The following RPP30 variants were observed in gnomAD, a reference collection of about 807,000 sequenced individuals.
RPP30 encodes the protein ribonuclease P protein subunit p30.
Under a neutral mutation model 38.6 loss-of-function variants are expected in RPP30, and 36 were observed. The ratio of observed to expected loss-of-function variants is 0.93; its 90% confidence interval spans 0.71 to 1.23. RPP30 has a LOEUF of 1.23. Ranked by LOEUF, RPP30 falls within the 50% of genes most tolerant of loss-of-function variation. The pLI, the probability that RPP30 is intolerant of heterozygous loss-of-function variation, is 0.00. For missense variants in RPP30, 321 were observed against 321.7 expected (o/e 1.00, Z 0.02); for synonymous variants, 126 against 112.7 (o/e 1.12, Z -0.75).
In RPP30 at chr10:90,895,928, C is replaced by A; in HGVS notation, c.617+11C>A. On this transcript the variant is annotated intron_variant, in intron 9 of 10. Coordinates refer to ENST00000371703, the MANE Select transcript of RPP30 (RefSeq NM_006413.5). The stretch of plus-strand genomic sequence containing the variant: ...TGACGTGGCAAATCTGTATCCTTTT[C>A]TGAGTAAAAAGTTGTTGACATTGTC... The A allele has an allele frequency of 6.3e-7, 1 of 1,593,898 alleles. No individual in the cohort carries two copies. Among genetic ancestry groups the A allele is most frequent in the South Asian group, 1.2e-5 (1 of 86,816 alleles).
In RPP30 at chr10:90,900,658, G is replaced by C; in HGVS notation, c.786G>C (p.Lys262Asn). The C allele has an allele frequency of 4.3e-6, 7 of 1,613,654 alleles. No homozygotes were observed. The highest frequency in any genetic ancestry group is 5.9e-6 in the Non-Finnish European group (7 of 1,179,776). ...EGDEDCLPAS[K>N]KAKCEG The stretch of plus-strand genomic sequence containing the variant: ...ATGAAGATTGTCTTCCAGCTTCCAA[G>C]AAAGCCAAGTGTGAGGGCTGAAAAG... Residue 262 changes from lysine (K) to asparagine (N), a missense_variant, in exon 11 of 11, where the codon AAG becomes AAC. Coordinates refer to ENST00000371703, the MANE Select transcript of RPP30 (RefSeq NM_006413.5).
intron 5 of RPP30, among the ~76,000 whole-genome samples, chr10:90,881,185 A>C (rs561817932): frequency 4.5e-4 from 69 of 152,350 alleles, no homozygotes; most frequent in African/African-American, 1.2e-3. Context: ...ATACATTTGT[A>C]AAACCTTTCA....
rs1333510320 is a variant in RPP30 at position 90,872,049 on chromosome 10, T to A, written c.63T>A (p.Leu21=). 6.2e-7 allele frequency: 1 copy of A among 1,614,148 alleles called. No homozygotes were observed. ...CTGACCTGAAGGCTCTGCGCGGACT[T>A]GTGGAGACAGCCGCTCACCGTGAGT... ...AGSDLKALRG[L]VETAAHLGYS... is the part of the protein sequence containing the mutation. The change falls in exon 1 of 11, where the codon CTT becomes CTA. Residue 21 remains leucine (L), a synonymous_variant. Coordinates refer to ENST00000371703, the MANE Select transcript of RPP30 (RefSeq NM_006413.5).
intron 8 of RPP30, 29 bp from the exon 9 acceptor site, chr10:90,895,851 A>T: frequency 6.6e-7 from 1 of 1,515,480 alleles, no homozygotes; most frequent in Non-Finnish European, 9.0e-7. Flanking sequence ...TAATTTTCTC[A>T]TATCTACTCT....
chr10:90,877,682 C>T (rs142856557), intron 4 of RPP30, among the ~76,000 whole-genome samples: 98 of 151,768 alleles, frequency 6.5e-4, no homozygotes, highest in African/African-American at 2.3e-3. Context: ...TTAGCAAAAA[C>T]CATTTCAATT....
chr10:90,904,449 C>T (rs991386726), downstream of RPP30, among the ~76,000 whole-genome samples: 3 of 152,198 alleles, frequency 2.0e-5, no homozygotes, highest in African/African-American at 7.2e-5. Context: ...CTACCTGTCA[C>T]ATTATTGCAA....
At chr10:90,903,340 AT>A, downstream of RPP30, 1 of 1,042,722 alleles carries the variant, frequency 9.6e-7, no homozygotes, top group South Asian at 1.4e-5. Flanking sequence ...TGTATGTTCA[AT>A]TTTTTGCGAC....
At chr10:90,897,901 C>T (rs1287243415) in intron 10 of RPP30, among the ~76,000 whole-genome samples, 1 of 152,010 alleles carries the variant, frequency 6.6e-6, no homozygotes, top group Non-Finnish European at 1.5e-5. Context: ...ATGGGGTGTC[C>T]ATCCCCTCAA....
chr10:90,884,985 A>T (rs926272242), intron 5 of RPP30, among the ~76,000 whole-genome samples: 1 of 152,214 alleles, frequency 6.6e-6, no homozygotes, highest in Non-Finnish European at 1.5e-5. Flanking sequence ...AGAGCCAGGT[A>T]TGTTTCTTCC....
downstream of RPP30, among the ~76,000 whole-genome samples, chr10:90,907,517 C>T (rs543447900): frequency 4.6e-5 from 7 of 152,166 alleles, no homozygotes; most frequent in Non-Finnish European, 8.8e-5. Flanking sequence ...ATGGACTATG[C>T]GTATACACTC....
Position 90,900,770 on chromosome 10 carries a change from T to C in RPP30, c.*91T>C. On this transcript the variant is annotated 3_prime_UTR_variant, in exon 11 of 11. Transcript: ENST00000371703. ...AATAAAACCTTTGTGTGATTTACTG[T>C]TTTCATTTGGAGCTAGAAATCAATA... The C allele has an allele frequency of 2.0e-6, 3 of 1,479,906 alleles. No homozygotes were observed. Among genetic ancestry groups the C allele is most frequent in the Non-Finnish European group, 2.7e-6 (3 of 1,116,836 alleles). 91.7% of individuals were successfully genotyped at this position (1,479,906 alleles called of 1,614,324 possible). A position where few individuals can be genotyped will look rare whatever the true frequency, so the allele number is the denominator to read the frequency against.
In RPP30 at chr10:90,895,591, A is replaced by G. The variant is rs913632143; in HGVS notation, c.579+108A>G. The G allele has an allele frequency of 4.6e-6, 3 of 653,922 alleles. 1 individual carries two copies. The South Asian group carries it at 1.2e-4, about 27-fold the overall frequency. The allele number at this position is 653,922 out of a possible 1,614,324, so 40.5% of individuals were successfully genotyped here. Reference sequence around the variant, plus strand: ...ATGAATATTTGTTGCATTTTTTTCTATTTTAACTGCATTTGCTCATTGTAA... The same window carrying G: ...ATGAATATTTGTTGCATTTTTTTCTGTTTTAACTGCATTTGCTCATTGTAA... On this transcript the variant is annotated intron_variant, in intron 8 of 10. Coordinates refer to ENST00000371703, the MANE Select transcript of RPP30 (RefSeq NM_006413.5).
chr10:90,881,656 A>C (rs901921463), intron 5 of RPP30, among the ~76,000 whole-genome samples: 1 of 152,216 alleles, frequency 6.6e-6, no homozygotes, highest in East Asian at 1.9e-4. Flanking sequence ...TAGGAAATCA[A>C]TTTTAAAAGA....
In RPP30 at chr10:90,894,891, G is replaced by C; in HGVS notation, c.549G>C (p.Lys183Asn). Reference protein sequence around the residue: ...ALNLMQICKGKNVIISSAAER... With the variant: ...ALNLMQICKGNNVIISSAAER... ...ATTTGATGCAAATCTGCAAAGGAAA[G>C]GTATGGTTCTATAATTTTAGGATGT... Residue 183 changes from lysine (K) to asparagine (N), a missense_variant and splice_region_variant, in exon 7 of 11, where the codon AAG becomes AAC. Transcript: ENST00000371703. 6.3e-7 allele frequency: 1 copy of C among 1,583,060 alleles called. No homozygotes were observed. Among genetic ancestry groups the C allele is most frequent in the Non-Finnish European group, 8.7e-7 (1 of 1,152,030 alleles).
chr10:90,881,350 T>C (rs533209783), intron 5 of RPP30, among the ~76,000 whole-genome samples: 1 of 152,344 alleles, frequency 6.6e-6, no homozygotes, highest in South Asian at 2.1e-4. Context: ...GTTCTAAAGA[T>C]AGGACTTTGG....
chr10:90,882,909 G>A (rs1296256397), intron 5 of RPP30, among the ~76,000 whole-genome samples: 1 of 152,174 alleles, frequency 6.6e-6, no homozygotes, highest in Non-Finnish European at 1.5e-5. Context: ...GGAAGGGAGT[G>A]TCCTGGTGTT....
intron 6 of RPP30, among the ~76,000 whole-genome samples, chr10:90,891,622 A>G (rs930144947): frequency 6.6e-6 from 1 of 152,250 alleles, no homozygotes; most frequent in South Asian, 2.1e-4. Flanking sequence ...CTATACCTCT[A>G]CAATATGATA....
At chr10:90,875,051 CT>C (rs2120180951) in intron 2 of RPP30, 127 bp downstream of exon 2, 1 of 516,280 alleles carries the variant, frequency 1.9e-6, no homozygotes, top group East Asian at 3.2e-5. Context: ...TACTACTTTT[CT>C]ATTTTATATA....
chr10:90,893,952 T>C (rs901627236), intron 6 of RPP30, among the ~76,000 whole-genome samples: 8 of 152,216 alleles, frequency 5.3e-5, no homozygotes, highest in African/African-American at 1.9e-4. Flanking sequence ...TTCAATATCA[T>C]TTCCACTCAT....
Sources: allele counts gnomAD v4.1 joint callset (sites outside exome capture counted in the v4.1 genomes callset), GRCh38; gene constraint gnomAD v4.1.1; transcripts MANE v1.5; gene names NCBI Gene and HGNC (gene_info 2026-07-23, HGNC 2026-07-21).